The following GRIN2D variants were observed in gnomAD, a reference collection of about 807,000 sequenced individuals.
GRIN2D encodes glutamate ionotropic receptor NMDA type subunit 2D.
Under a neutral mutation model 103.2 loss-of-function variants are expected in GRIN2D, and 37 were observed. That is an observed-to-expected ratio of 0.36 (90% CI 0.28 to 0.47). The LOEUF (loss-of-function observed/expected upper bound fraction) is 0.47. Ranked by LOEUF, GRIN2D falls within the 20% of genes least tolerant of loss-of-function variation. GRIN2D has a pLI of 1.00. For missense variants in GRIN2D, 1,557 were observed against 1,910.6 expected, an observed-to-expected ratio of 0.81 and a Z score of 3.45; for synonymous variants, 845 against 885.6, an observed-to-expected ratio of 0.95 and a Z score of 0.81.
At chr19:48,418,129 G>A (rs182684906) in intron 8 of GRIN2D, among the ~76,000 whole-genome samples, 100 of 151,596 alleles carry the variant, frequency 6.6e-4, no homozygotes, top group Middle Eastern at 3.4e-3. Context: ...CACCTCCTGG[G>A]TTCAAGCAAT....
rs753306120 is a variant in GRIN2D, at chr19:48,414,853, A to G, written c.1413-11A>G. ...GTCCCCAAACTCCCCAAGCCTGGTCACTGCCCGCAGCCCTCCACCGGATGC... is the reference window on the plus strand; with the variant it reads ...GTCCCCAAACTCCCCAAGCCTGGTCGCTGCCCGCAGCCCTCCACCGGATGC... On this transcript the variant is annotated splice_polypyrimidine_tract_variant and intron_variant, in intron 6 of 13. Coordinates refer to ENST00000263269, the MANE Select transcript of GRIN2D (RefSeq NM_000836.4). This position sits in a 1 kb window ranked among gnomAD's most constrained non-coding sequence, Gnocchi z 4.6. 3 of 1,613,602 alleles carry G rather than the reference A, an allele frequency of 1.9e-6. No individual in the cohort carries two copies. The highest frequency in any genetic ancestry group is 2.7e-5 in the African/African-American group (2 of 74,880).
intron 8 of GRIN2D, among the ~76,000 whole-genome samples, chr19:48,417,638 T>G (rs1158419465): frequency 6.6e-6 from 1 of 152,168 alleles, no homozygotes; most frequent in African/African-American, 2.4e-5. Flanking sequence ...CAGGGCACAC[T>G]GAGAAGCACC....
At position 48,421,838 on chromosome 19, in the gene GRIN2D, C is replaced by T; in HGVS notation, c.2145C>T (p.Asn715=). The T allele has an allele frequency of 2.5e-6, 4 of 1,613,992 alleles. No homozygotes were observed. Among genetic ancestry groups the T allele is most frequent in the East Asian group, 2.2e-5 (1 of 44,882 alleles). ...YPPLKFGTVP[N]GSTEKNIRSN... ...CCCTGAAGTTTGGGACCGTGCCCAA[C>T]GGCTCCACGGAGAAGAACATCCGCA... Residue 715 remains asparagine, a synonymous_variant, in exon 11 of 14, where the codon AAC becomes AAT. Transcript: ENST00000263269. This position sits in a 1 kb window ranked among gnomAD's most constrained non-coding sequence, Gnocchi z 4.8.
intron 8 of GRIN2D, among the ~76,000 whole-genome samples, 181 bp downstream of exon 8, chr19:48,416,336 A>G (rs973865361): frequency 2.0e-5 from 3 of 152,222 alleles, no homozygotes; most frequent in Admixed American, 1.3e-4. Flanking sequence ...GATGGAAGAA[A>G]TAATTTCCCT....
At position 48,441,784 on chromosome 19, in the gene GRIN2D, C is replaced by T. The variant is rs957642039; in HGVS notation, c.2268C>T (p.Phe756=). Residue 756 remains phenylalanine, a synonymous_variant, in exon 12 of 14, where the codon TTC becomes TTT. Transcript: ENST00000263269. ...TQLKAGKLDA[F]IYDAAVLNYM... ...CTCCCCCCAGGAAGCTGGACGCCTT[C>T]ATCTACGATGCTGCAGTGCTCAATT... 8 of 1,611,262 alleles carry T rather than the reference C, an allele frequency of 5.0e-6. No individual in the cohort carries two copies. The East Asian group carries it at 1.8e-4, about 36-fold the overall frequency.
intron 11 of GRIN2D, among the ~76,000 whole-genome samples, chr19:48,428,523 C>T (rs1455394142): frequency 6.6e-6 from 1 of 151,842 alleles, no homozygotes; most frequent in Non-Finnish European, 1.5e-5. Context: ...CCACCAAGCC[C>T]CGCTAATTTT....
rs1970671823 is a variant in GRIN2D, at chr19:48,398,632, G to A, written c.240G>A (p.Pro80=). Residue 80 remains proline, a synonymous_variant, in exon 3 of 14, where the codon CCG becomes CCA. Coordinates refer to ENST00000263269, the MANE Select transcript of GRIN2D (RefSeq NM_000836.4). ...CCGTGGCGGCGGCGGTGCGCAGCCCGGGCCTAGACGTGCGGCCCGTGGCGC... is the reference window on the plus strand; with the variant it reads ...CCGTGGCGGCGGCGGTGCGCAGCCCAGGCCTAGACGTGCGGCCCGTGGCGC... ...GPAVAAAVRS[P]GLDVRPVALV... 5 of 1,349,910 alleles carry A rather than the reference G, an allele frequency of 3.7e-6. No homozygotes were observed. The highest frequency in any genetic ancestry group is 4.8e-6 in the Non-Finnish European group (5 of 1,046,514). The allele number at this position is 1,349,910 out of a possible 1,614,324, so 83.6% of individuals were successfully genotyped here.
At chr19:48,435,125 G>A (rs4009665) in intron 11 of GRIN2D, among the ~76,000 whole-genome samples, 3 of 151,886 alleles carry the variant, frequency 2.0e-5, no homozygotes, top group African/African-American at 4.8e-5. Flanking sequence ...GAAATGTATC[G>A]CCCCACAGTT....
Position 48,444,097 on chromosome 19 carries a change from C to A in GRIN2D, c.*160C>A. ...CTGCGCCCCCTGGTTCTGGAGGAACCGCAAGCCGGAGAGGATTTGGTCCCT... is the reference window on the plus strand; with the variant it reads ...CTGCGCCCCCTGGTTCTGGAGGAACAGCAAGCCGGAGAGGATTTGGTCCCT... On this transcript the variant is annotated 3_prime_UTR_variant, in exon 14 of 14. Coordinates refer to ENST00000263269, the MANE Select transcript of GRIN2D (RefSeq NM_000836.4). The surrounding 1 kb of genome is among the most constrained non-coding windows in gnomAD (Gnocchi z 5.5). 2.2e-6 allele frequency: 1 copy of A among 459,448 alleles called. No homozygotes were observed. Among genetic ancestry groups the A allele is most frequent in the Non-Finnish European group, 3.7e-6 (1 of 268,056 alleles). 28.5% of individuals were successfully genotyped at this position (459,448 alleles called of 1,614,324 possible). A position where few individuals can be genotyped will look rare whatever the true frequency, so the allele number is the denominator to read the frequency against.
Position 48,443,832 on chromosome 19 carries a change from C to T in GRIN2D, c.3906C>T (p.His1302=), listed in dbSNP as rs1971344084. 16 of 1,484,686 alleles carry T rather than the reference C, an allele frequency of 1.1e-5. No individual in the cohort carries two copies. Among genetic ancestry groups the T allele is most frequent in the Non-Finnish European group, 1.3e-5 (15 of 1,125,966 alleles). The allele number at this position is 1,484,686 out of a possible 1,614,324, so 92.0% of individuals were successfully genotyped here. A position where few individuals can be genotyped will look rare whatever the true frequency, so the allele number is the denominator to read the frequency against. The change falls in exon 14 of 14, where the codon CAC becomes CAT. Residue 1302 remains histidine (H), a synonymous_variant. Coordinates refer to ENST00000263269, the MANE Select transcript of GRIN2D (RefSeq NM_000836.4). This position sits in a 1 kb window ranked among gnomAD's most constrained non-coding sequence, Gnocchi z 8.9. ...CTCGCAGGTGTCCGCACGCCGCGCA[C>T]TGGGGGCCGCCGCTGCCCACAGCTT... ...RHARRCPHAA[H]WGPPLPTASH...
chr19:48,417,730 G>C (rs953109597), intron 8 of GRIN2D, among the ~76,000 whole-genome samples: 1 of 152,174 alleles, frequency 6.6e-6, no homozygotes, highest in Non-Finnish European at 1.5e-5. Context: ...GCCCAGCAGA[G>C]GTGACAGGCG....
At position 48,404,919 on chromosome 19, in the gene GRIN2D, C is replaced by G; in HGVS notation, c.651C>G (p.His217Gln). The change falls in exon 4 of 14, where the codon CAC (histidine) becomes CAG (glutamine). Residue 217 changes from histidine to glutamine, a missense_variant. Physicochemically the swap from His to Gln is conservative, Grantham distance 24 (BLOSUM62 0). Around this residue, in one of 7 missense-constraint regions of GRIN2D, gnomAD observed 490 missense variants for 601.1 expected, o/e 0.82. Coordinates refer to ENST00000263269, the MANE Select transcript of GRIN2D (RefSeq NM_000836.4). ...ACGGTAGTCTGGTGGGCTGGGAGCACCGCGGAGCGCTGACGCTGGACCCTG... is the reference window on the plus strand; with the variant it reads ...ACGGTAGTCTGGTGGGCTGGGAGCAGCGCGGAGCGCTGACGCTGGACCCTG... ...LTDGSLVGWE[H>Q]RGALTLDPGA... The G allele has an allele frequency of 1.2e-6, 2 of 1,613,892 alleles. No individual in the cohort carries two copies. The highest frequency in any genetic ancestry group is 2.2e-5 in the South Asian group (2 of 91,078).
intron 8 of GRIN2D, among the ~76,000 whole-genome samples, chr19:48,416,974 A>C (rs970112902): frequency 6.6e-6 from 1 of 152,032 alleles, no homozygotes; most frequent in Non-Finnish European, 1.5e-5. Flanking sequence ...CAAACTCCTG[A>C]CCTCAGGTGA....
intron 11 of GRIN2D, among the ~76,000 whole-genome samples, chr19:48,434,525 T>C (rs1971204799): frequency 6.6e-6 from 1 of 152,120 alleles, no homozygotes. Flanking sequence ...AAAGTGTTCT[T>C]GGGATTACAG....
intron 4 of GRIN2D, among the ~76,000 whole-genome samples, chr19:48,411,344 T>TAATAAC (rs1391241363): frequency 6.8e-6 from 1 of 147,930 alleles, no homozygotes; most frequent in Non-Finnish European, 1.5e-5. Flanking sequence ...ATAATAATAA[T>TAATAAC]AATAATAATA....
In GRIN2D at chr19:48,404,887, C is replaced by T. The variant is rs563560262; in HGVS notation, c.619C>T (p.Leu207=). The T allele has an allele frequency of 3.7e-6, 6 of 1,614,172 alleles. No homozygotes were observed. The Admixed American group carries it at 6.7e-5, about 18-fold the overall frequency. ...GGCCTTCCTGTCCTACATTGAGGTG[C>T]TGACTGACGGTAGTCTGGTGGGCTG... ...HRAFLSYIEV[L]TDGSLVGWEH... is the part of the protein sequence containing the mutation. The change falls in exon 4 of 14, where the codon CTG becomes TTG. Residue 207 remains leucine, a synonymous_variant. Coordinates refer to ENST00000263269, the MANE Select transcript of GRIN2D (RefSeq NM_000836.4).
At chr19:48,406,688 C>G (rs1970795646) in intron 4 of GRIN2D, among the ~76,000 whole-genome samples, 1 of 152,164 alleles carries the variant, frequency 6.6e-6, no homozygotes, top group Non-Finnish European at 1.5e-5. Flanking sequence ...AACGCAGGGT[C>G]CTGTAAGAGT....
Position 48,398,751 on chromosome 19 carries a change from A to T in GRIN2D, c.359A>T (p.Asp120Val). 1 of 1,464,174 alleles carries T rather than the reference A, an allele frequency of 6.8e-7. No homozygotes were observed. Among genetic ancestry groups the T allele is most frequent in the South Asian group, 1.3e-5 (1 of 76,892 alleles). The allele number at this position is 1,464,174 out of a possible 1,614,324, so 90.7% of individuals were successfully genotyped here. ...GTGCACGGCGTGGTCTTCGAAGACG[A>T]CTCGCGCGCGCCCGCCGTCGCGCCC... ...LRVHGVVFED[D>V]SRAPAVAPIL... The change falls in exon 3 of 14, where the codon GAC becomes GTC. Residue 120 changes from aspartate (D) to valine (V), a missense_variant. This residue lies in a region of GRIN2D where 490 missense variants were observed against 601.1 expected (regional missense o/e 0.82). Transcript: ENST00000263269.
rs1412258626 is a variant in GRIN2D, at chr19:48,394,398, C to A, written c.-305-260C>A. Among the ~76,000 whole-genome samples, 2 of 149,196 alleles carry A rather than the reference C, an allele frequency of 1.3e-5. No individual in the cohort carries two copies. Among genetic ancestry groups the A allele is most frequent in the Non-Finnish European group, 3.0e-5 (2 of 67,652 alleles). ...ATCTCCCGCTCCTCACACGCACACA[C>A]CAGCCACTAGCTTCAGAGGTGACCC... On this transcript the variant is annotated intron_variant, in intron 1 of 13. Transcript: ENST00000263269. This position sits in a 1 kb window ranked among gnomAD's most constrained non-coding sequence, Gnocchi z 5.1.
Sources: allele counts gnomAD v4.1 joint callset (sites outside exome capture counted in the v4.1 genomes callset), GRCh38; gene constraint gnomAD v4.1.1; regional missense constraint gnomAD v4.1.1; non-coding constraint Gnocchi (gnomAD v3.1); transcripts MANE v1.5; gene names NCBI Gene and HGNC (gene_info 2026-07-23, HGNC 2026-07-21).